Variants in PAPPA observed in about 807,000 individuals in gnomAD.
PAPPA encodes the protein pappalysin 1, also known as pappalysin-1.
A neutral mutation model predicts 164.0 loss-of-function variants in PAPPA; 60 were observed. The ratio of observed to expected loss-of-function variants is 0.37; its 90% CI spans 0.30 to 0.45. The LOEUF is 0.45. Ranked by LOEUF, PAPPA falls within the 20% of genes least tolerant of loss-of-function variation. The pLI is 1.00. For missense variants in PAPPA, 1,782 were observed against 2,087.3 expected (o/e 0.85, Z 2.85); for synonymous variants, 875 against 814.1 (o/e 1.07, Z -1.27).
Position 116,278,309 on chromosome 9 carries a change from G to A in PAPPA, c.2953+6893G>A, listed in dbSNP as rs530269168. On this transcript the variant is annotated intron_variant, in intron 9 of 21. Coordinates refer to ENST00000328252, the MANE Select transcript of PAPPA (RefSeq NM_002581.5). ...AAATTGAGGCGTTGAGAGGTTAAGT[G>A]AATATCCAAAGTCATATAGCCAGGT... 6.0e-4 allele frequency among the ~76,000 whole-genome samples: 92 copies of A among 152,314 alleles called. 1 individual carries two copies. The South Asian group carries it at 0.018, about 31-fold the overall frequency.
chr9:116,155,924 G>A (rs1185688833), intron 1 of PAPPA, among the ~76,000 whole-genome samples: 2 of 151,416 alleles, frequency 1.3e-5, no homozygotes, highest in Non-Finnish European at 2.9e-5. Context: ...CCTCCGGGAA[G>A]AAGAAGGAGA....
At position 116,347,233 on chromosome 9, in the gene PAPPA, T is replaced by C. The variant is rs1222796819; in HGVS notation, c.3964+24T>C. The C allele has an allele frequency of 6.3e-7, 1 of 1,582,484 alleles. No individual in the cohort carries two copies. The highest frequency in any genetic ancestry group is 1.7e-5 in the Admixed American group (1 of 57,448). On this transcript the variant is annotated intron_variant, in intron 15 of 21. Coordinates refer to ENST00000328252, the MANE Select transcript of PAPPA (RefSeq NM_002581.5). This position sits in a 1 kb window ranked among gnomAD's most constrained non-coding sequence, Gnocchi z 4.5. ...AGGTATCAAGAACGCCTTCCCCAGC[T>C]CAGCCTTCCTTTGTCTATGGGAAAC...
intron 13 of PAPPA, among the ~76,000 whole-genome samples, chr9:116,336,272 T>C (rs1417273896): frequency 6.6e-6 from 1 of 152,108 alleles, no homozygotes; most frequent in Non-Finnish European, 1.5e-5. Context: ...ACACTAGCCT[T>C]TCCCACGCCC....
In PAPPA at chr9:116,372,395, T is replaced by A. The variant is rs969164213; in HGVS notation, c.4605+4641T>A. 4.8e-4 allele frequency among the ~76,000 whole-genome samples: 73 copies of A among 152,358 alleles called. 1 individual carries two copies. The Middle Eastern group carries it at 0.017, about 35-fold the overall frequency. Reference sequence around the variant, plus strand: ...AAAATTTGAAATCTCTTTCTTTTTTTAAAAAGTTTGGCAACTAATTTTGAC... The same window carrying A: ...AAAATTTGAAATCTCTTTCTTTTTTAAAAAAGTTTGGCAACTAATTTTGAC... On this transcript the variant is annotated intron_variant, in intron 19 of 21. Coordinates refer to ENST00000328252, the MANE Select transcript of PAPPA (RefSeq NM_002581.5).
At chr9:116,352,959 C>A in intron 16 of PAPPA, 43 bp downstream of exon 16, 1 of 1,487,822 alleles carries the variant, frequency 6.7e-7, no homozygotes, top group African/African-American at 1.4e-5. Flanking sequence ...TCTGGGAGGA[C>A]AAGAGTTAGG....
chr9:116,389,696 A>ACT (rs2118722868), intron 21 of PAPPA, among the ~76,000 whole-genome samples: 1 of 150,674 alleles, frequency 6.6e-6, no homozygotes, highest in Non-Finnish European at 1.5e-5. Flanking sequence ...CTCATGACTC[A>ACT]CTCCTTCACC....
chr9:116,189,663 A>C (rs1844018739), intron 2 of PAPPA, among the ~76,000 whole-genome samples: 1 of 152,216 alleles, frequency 6.6e-6, no homozygotes, highest in Non-Finnish European at 1.5e-5. Context: ...TTCAAGCTGG[A>C]GAGACCATCA....
At chr9:116,313,984 C>A (rs1587999605) in intron 10 of PAPPA, among the ~76,000 whole-genome samples, 1 of 148,006 alleles carries the variant, frequency 6.8e-6, no homozygotes. Flanking sequence ...GGATAGCACG[C>A]TTAAAGCACT....
rs1334651946 is a variant in PAPPA at position 116,235,438 on chromosome 9, G to C, written c.2533G>C (p.Asp845His). 2 of 1,613,702 alleles carry C rather than the reference G, an allele frequency of 1.2e-6. No homozygotes were observed. Among genetic ancestry groups the C allele is most frequent in the Admixed American group, 3.3e-5 (2 of 59,950 alleles). Reference protein sequence around the residue: ...CDVPLTIRLWDVGEEVYGIQI... With the variant: ...CDVPLTIRLWHVGEEVYGIQI... Reference sequence around the variant, plus strand: ...TGTCCCACTGACCATCAGACTCTGGGACGTGGGCGAGGAGGTGTATGGCAT... The same window carrying C: ...TGTCCCACTGACCATCAGACTCTGGCACGTGGGCGAGGAGGTGTATGGCAT... The change falls in exon 7 of 22, where the codon GAC becomes CAC. Residue 845 changes from aspartate (D) to histidine (H), a missense_variant. Physicochemically the swap from Asp to His is moderately conservative, Grantham distance 81. Coordinates refer to ENST00000328252, the MANE Select transcript of PAPPA (RefSeq NM_002581.5).
intron 5 of PAPPA, among the ~76,000 whole-genome samples, chr9:116,220,567 G>C (rs1275166206): frequency 1.3e-5 from 2 of 150,948 alleles, no homozygotes; most frequent in Non-Finnish European, 2.9e-5. Flanking sequence ...TGTCACGTGT[G>C]TATATAAGTA....
chr9:116,367,048 G>A (rs1846510217), intron 18 of PAPPA, among the ~76,000 whole-genome samples: 1 of 152,188 alleles, frequency 6.6e-6, no homozygotes, highest in Non-Finnish European at 1.5e-5. Flanking sequence ...GATGAATCAA[G>A]CACATCTGAT....
At chr9:116,256,242 CA>C (rs1437552606) in intron 7 of PAPPA, among the ~76,000 whole-genome samples, 3 of 151,682 alleles carry the variant, frequency 2.0e-5, no homozygotes, top group Non-Finnish European at 4.4e-5. Flanking sequence ...GAGAAGTATA[CA>C]AATTAGTATT....
At chr9:116,302,668 G>T (rs948842290) in intron 9 of PAPPA, 89 bp from the exon 10 acceptor site, 1 of 1,006,912 alleles carries the variant, frequency 9.9e-7, no homozygotes, top group Non-Finnish European at 1.5e-6. Flanking sequence ...AATGGTTTTG[G>T]TGGTCTGACT....
rs887926934 is a variant in PAPPA at position 116,397,364 on chromosome 9, A to G, written c.*748A>G. 6.5e-6 allele frequency: 1 copy of G among 152,682 alleles called. No homozygotes were observed. The highest frequency in any genetic ancestry group is 2.4e-5 in the African/African-American group (1 of 41,454). The allele number at this position is 152,682 out of a possible 1,614,324, so 9.5% of individuals were successfully genotyped here. On this transcript the variant is annotated 3_prime_UTR_variant, in exon 22 of 22. Transcript: ENST00000328252. Reference sequence around the variant, plus strand: ...CTTAGGATTGCAATGTCAAGGTATTATATCAGCCCCTTGCTTGAGGCTTGA... The same window carrying G: ...CTTAGGATTGCAATGTCAAGGTATTGTATCAGCCCCTTGCTTGAGGCTTGA...
chr9:116,273,386 A>G (rs1845159690), intron 9 of PAPPA, among the ~76,000 whole-genome samples: 1 of 152,178 alleles, frequency 6.6e-6, no homozygotes, highest in African/African-American at 2.4e-5. Flanking sequence ...TTGCATATTG[A>G]CTGTGGCTGC....
chr9:116,285,297 G>A (rs1845324064), intron 9 of PAPPA, among the ~76,000 whole-genome samples: 1 of 148,506 alleles, frequency 6.7e-6, no homozygotes, highest in Non-Finnish European at 1.5e-5. Flanking sequence ...AGCCTCCCAA[G>A]TAGCTGGGAC....
intron 3 of PAPPA, among the ~76,000 whole-genome samples, chr9:116,210,625 A>G (rs1160554023): frequency 6.6e-6 from 1 of 152,202 alleles, no homozygotes; most frequent in Non-Finnish European, 1.5e-5. Flanking sequence ...AACACAGCAC[A>G]AATACTACCC....
chr9:116,350,497 C>T (rs966246516), intron 15 of PAPPA, among the ~76,000 whole-genome samples: 1 of 152,202 alleles, frequency 6.6e-6, no homozygotes, highest in Non-Finnish European at 1.5e-5. Context: ...AAGCACATTT[C>T]TGGTTTGCAT....
intron 9 of PAPPA, among the ~76,000 whole-genome samples, chr9:116,294,121 T>C (rs4837660): frequency 0.9 from 137,660 of 152,202 alleles, 63,758 homozygotes; most frequent in East Asian, 1. Flanking sequence ...GGCTGTGCTA[T>C]AGGTGCCTTC....
Sources: gnomAD v4.1 joint callset for allele counts (sites outside exome capture counted in the v4.1 genomes callset) on GRCh38, gnomAD v4.1.1 for gene constraint, Gnocchi (gnomAD v3.1) non-coding constraint, MANE v1.5 for transcripts, NCBI Gene and HGNC (gene_info 2026-07-23, HGNC 2026-07-21) for gene names.